Variants in VGLL3 observed in about 807,000 individuals in gnomAD.
The protein encoded by VGLL3 is transcription cofactor vestigial-like protein 3.
In VGLL3, 18 loss-of-function variants were observed where a neutral mutation model predicts 29.2. The ratio of observed to expected loss-of-function variants is 0.62; its 90% CI spans 0.43 to 0.91. The LOEUF is 0.91. Among genes scored for constraint, VGLL3 ranks in the 40% least tolerant of loss-of-function variants. VGLL3 has a pLI of 0.00. For missense variants in VGLL3, 440 were observed against 413.2 expected, an observed-to-expected ratio of 1.06 and a Z score of -0.56; for synonymous variants, 180 against 151.8, an observed-to-expected ratio of 1.19 and a Z score of -1.36.
chr3:86,975,733 G>A (rs952596470), intron 2 of VGLL3, among the ~76,000 whole-genome samples: 3 of 152,158 alleles, frequency 2.0e-5, no homozygotes, highest in Non-Finnish European at 4.4e-5. Context: ...GGTATTTGTA[G>A]ACTTAGTGGG....
intron 2 of VGLL3, among the ~76,000 whole-genome samples, chr3:86,974,899 G>C (rs898401192): frequency 5.3e-5 from 8 of 152,154 alleles, no homozygotes; most frequent in Non-Finnish European, 1.2e-4. Flanking sequence ...AGAAAACAAT[G>C]TTCCTGGATA....
intron 1 of VGLL3, chr3:86,990,207 GT>G: frequency 1.4e-6 from 1 of 706,694 alleles, no homozygotes; most frequent in Non-Finnish European, 1.7e-6. Context: ...CCCTACCTCT[GT>G]CAGCGCACTT....
chr3:86,968,518 T>C, intron 3 of VGLL3, 72 bp downstream of exon 3: 1 of 1,490,294 alleles, frequency 6.7e-7, no homozygotes, highest in Non-Finnish European at 9.0e-7. Flanking sequence ...AAAAATAATT[T>C]CAAAACAAAT....
chr3:86,945,047 C>A lies in VGLL3; in HGVS notation c.*1977G>T, dbSNP rs1425940268. On this transcript the variant is annotated 3_prime_UTR_variant, in exon 4 of 4. Transcript: ENST00000398399. ...CAATCATATCAAATCAAATTATGGACCAAAGTATAGAAAATTTAACCTGGC... is the reference window on the plus strand; with the variant it reads ...CAATCATATCAAATCAAATTATGGAACAAAGTATAGAAAATTTAACCTGGC... 6.6e-6 allele frequency: 1 copy of A among 151,920 alleles called. No individual in the cohort carries two copies. Among genetic ancestry groups the A allele is most frequent in the Non-Finnish European group, 1.5e-5 (1 of 67,972 alleles). 9.4% of individuals were successfully genotyped at this position (151,920 alleles called of 1,614,324 possible).
At chr3:86,961,952 A>T (rs1179833699) in intron 3 of VGLL3, 1 of 981,056 alleles carries the variant, frequency 1.0e-6, no homozygotes, top group Non-Finnish European at 1.2e-6. Context: ...AACATTTTAT[A>T]TGCTATAGGG....
chr3:86,964,313 T>G lies in VGLL3; in HGVS notation c.937+4277A>C, dbSNP rs552107057. On this transcript the variant is annotated intron_variant, in intron 3 of 3. Transcript: ENST00000398399. ...CAAAGCATAAAATATTTTTATCTGT[T>G]TCTTTACAGAAAAATTTTGCTAACC... Among the ~76,000 whole-genome samples the G allele has an allele frequency of 7.1e-4, 108 of 152,310 alleles. 1 individual carries two copies. Among genetic ancestry groups the G allele is most frequent in the African/African-American group, 2.5e-3 (103 of 41,558 alleles).
rs193078775 is a variant in VGLL3 at position 86,968,848 on chromosome 3, T to C, written c.679A>G (p.Met227Val). 8.7e-6 allele frequency: 14 copies of C among 1,613,958 alleles called. No homozygotes were observed. The highest frequency in any genetic ancestry group is 1.3e-5 in the African/African-American group (1 of 74,872). Residue 227 changes from methionine to valine, a missense_variant, in exon 3 of 4, where the codon ATG (methionine) becomes GTG (valine). Transcript: ENST00000398399. ...TGGGCATGAGGGTGGTGGTGCCGCATGTACACGTCATGCATATGGCTGTAG... is the reference window on the plus strand; with the variant it reads ...TGGGCATGAGGGTGGTGGTGCCGCACGTACACGTCATGCATATGGCTGTAG... The part of the protein sequence containing the change: ...PSYSHMHDVY[M>V]RHHHPHAHMH...
chr3:86,978,884 A>C, intron 1 of VGLL3, 82 bp from the exon 2 acceptor site: 2 of 1,406,332 alleles, frequency 1.4e-6, no homozygotes, highest in Non-Finnish European at 1.9e-6. Flanking sequence ...TTTTTTAAAA[A>C]AAGAATCTAA....
chr3:86,959,958 C>A (rs540641408), intron 3 of VGLL3, among the ~76,000 whole-genome samples: 1 of 152,182 alleles, frequency 6.6e-6, no homozygotes, highest in African/African-American at 2.4e-5. Flanking sequence ...ATCTATCTCT[C>A]TTTCATGGAG....
At chr3:86,981,728 C>T (rs1274473580) in intron 1 of VGLL3, among the ~76,000 whole-genome samples, 2 of 152,016 alleles carry the variant, frequency 1.3e-5, no homozygotes, top group Non-Finnish European at 2.9e-5. Flanking sequence ...TTCTATCTAC[C>T]CATAGGCAGG....
At chr3:86,984,339 G>T (rs969510100) in intron 1 of VGLL3, among the ~76,000 whole-genome samples, 1 of 152,100 alleles carries the variant, frequency 6.6e-6, no homozygotes, top group Non-Finnish European at 1.5e-5. Context: ...GGAGCCAACC[G>T]AAAATAATAT....
intron 3 of VGLL3, among the ~76,000 whole-genome samples, chr3:86,960,833 T>C (rs911907945): frequency 6.6e-6 from 1 of 151,736 alleles, no homozygotes; most frequent in African/African-American, 2.4e-5. Flanking sequence ...TAATGCCTAG[T>C]TTTTTTGAGA....
chr3:86,967,188 C>A (rs1169126698), intron 3 of VGLL3, among the ~76,000 whole-genome samples: 1 of 152,098 alleles, frequency 6.6e-6, no homozygotes, highest in African/African-American at 2.4e-5. Flanking sequence ...CACATAAGTA[C>A]CACATAAAAC....
chr3:86,960,302 C>T (rs370741153), intron 3 of VGLL3, among the ~76,000 whole-genome samples: 107 of 152,074 alleles, frequency 7.0e-4, no homozygotes, highest in African/African-American at 2.4e-3. Context: ...ATAAATAATT[C>T]GGAATACCAC....
chr3:86,946,752 A>G lies in VGLL3; in HGVS notation c.*272T>C. 1 of 334,136 alleles carries G rather than the reference A, an allele frequency of 3.0e-6. No homozygotes were observed. The highest frequency in any genetic ancestry group is 4.8e-5 in the Admixed American group (1 of 20,754). 20.7% of individuals were successfully genotyped at this position (334,136 alleles called of 1,614,324 possible). ...ATCAAAATGAAACAAAAACTTAGCT[A>G]TATATTGATAAAAGCAAGATAACAA... On this transcript the variant is annotated 3_prime_UTR_variant, in exon 4 of 4. Transcript: ENST00000398399.
chr3:86,982,075 A>G (rs965149802), intron 1 of VGLL3, among the ~76,000 whole-genome samples: 3 of 152,186 alleles, frequency 2.0e-5, no homozygotes, highest in Non-Finnish European at 4.4e-5. Context: ...TTCATTCTCC[A>G]TAGACTCTGG....
chr3:86,960,932 G>GATATATATAT (rs57744873), intron 3 of VGLL3, among the ~76,000 whole-genome samples: 192 of 137,876 alleles, frequency 1.4e-3, no homozygotes, highest in Middle Eastern at 7.5e-3. Context: ...AAGTAATTGT[G>GATATATATAT]ATATATATAT....
At chr3:86,965,746 T>C (rs865788698) in intron 3 of VGLL3, among the ~76,000 whole-genome samples, 20 of 152,266 alleles carry the variant, frequency 1.3e-4, no homozygotes, top group Admixed American at 8.5e-4. Flanking sequence ...AACTGGTCAA[T>C]TCAGGAATGT....
rs114498855 is a variant in VGLL3 at position 86,946,882 on chromosome 3, G to A, written c.*142C>T. On this transcript the variant is annotated 3_prime_UTR_variant, in exon 4 of 4. Coordinates refer to ENST00000398399, the MANE Select transcript of VGLL3 (RefSeq NM_016206.4). Reference sequence around the variant, plus strand: ...CCACTTTGCTTTCTCAAGAAAGGCCGAAAACCAGTCAACTGCGTGACACTT... The same window carrying A: ...CCACTTTGCTTTCTCAAGAAAGGCCAAAAACCAGTCAACTGCGTGACACTT... 2.6e-4 allele frequency: 165 copies of A among 624,458 alleles called. 1 individual carries two copies. Among genetic ancestry groups the A allele is most frequent in the African/African-American group, 2.2e-3 (119 of 54,190 alleles). 38.7% of individuals were successfully genotyped at this position (624,458 alleles called of 1,614,324 possible).
Sources: gnomAD v4.1 joint callset for allele counts (sites outside exome capture counted in the v4.1 genomes callset) on GRCh38, gnomAD v4.1.1 for gene constraint, MANE v1.5 for transcripts, NCBI Gene and HGNC (gene_info 2026-07-23, HGNC 2026-07-21) for gene names.